The following ALMS1 variants were observed in gnomAD, a reference collection of about 807,000 sequenced individuals.
ALMS1 encodes the protein centrosome-associated protein ALMS1.
In ALMS1, 271 loss-of-function variants were observed where a neutral mutation model predicts 352.2. The ratio of observed to expected loss-of-function variants is 0.77; its 90% CI spans 0.70 to 0.85. ALMS1 has a LOEUF of 0.85. Ranked by LOEUF, ALMS1 falls within the 40% of genes least tolerant of loss-of-function variation. ALMS1 has a pLI of 0.00. For synonymous variants in ALMS1, 1,865 were observed against 1,761.2 expected (o/e 1.06, Z -1.48); for missense variants, 5,445 against 4,870.7 (o/e 1.12, Z -3.51).
intron 21 of ALMS1, among the ~76,000 whole-genome samples, chr2:73,606,059 TCTTC>T (rs776631041): frequency 2.6e-5 from 4 of 152,174 alleles, no homozygotes; most frequent in Non-Finnish European, 5.9e-5. Context: ...AGTCCAGCTG[TCTTC>T]CATTAAACCA....
chr2:73,544,187 T>G, intron 12 of ALMS1, among the ~76,000 whole-genome samples: 1 of 152,152 alleles, frequency 6.6e-6, no homozygotes, highest in East Asian at 1.9e-4. Flanking sequence ...TATGCAGCCA[T>G]AAAAAATGAT....
chr2:73,396,384 T>C (rs573043893), intron 1 of ALMS1, among the ~76,000 whole-genome samples: 1 of 152,068 alleles, frequency 6.6e-6, no homozygotes, highest in African/African-American at 2.4e-5. Flanking sequence ...TTGTAAGATA[T>C]ATTGGTCTGT....
At chr2:73,407,909 G>A (rs1029409858) in intron 1 of ALMS1, among the ~76,000 whole-genome samples, 2 of 152,036 alleles carry the variant, frequency 1.3e-5, no homozygotes, top group Admixed American at 6.6e-5. Context: ...AAGTCCTTTG[G>A]AAGTATAGTT....
At chr2:73,473,892 A>G (rs534765903) in intron 9 of ALMS1, among the ~76,000 whole-genome samples, 1 of 151,120 alleles carries the variant, frequency 6.6e-6, no homozygotes, top group South Asian at 2.1e-4. Flanking sequence ...AAGCATACCA[A>G]CATATGCATT....
chr2:73,395,056 A>ATG (rs796819600), intron 1 of ALMS1, among the ~76,000 whole-genome samples: 20 of 100,740 alleles, frequency 2.0e-4, no homozygotes, highest in Admixed American at 1.0e-4. Context: ...ATATATATAT[A>ATG]TGTGTATATA....
At chr2:73,581,865 CT>C (rs1210663030) in intron 16 of ALMS1, among the ~76,000 whole-genome samples, 1 of 152,112 alleles carries the variant, frequency 6.6e-6, no homozygotes, top group Non-Finnish European at 1.5e-5. Context: ...CTGCCTCAGC[CT>C]ACCGAGTAGC....
rs775431837 is a variant in ALMS1 at position 73,386,148 on chromosome 2, C to G, written c.280C>G (p.Pro94Ala). The part of the protein sequence containing the change: ...PGRILPPLSP[P>A]QHRYSEGERT... ...CAGGATTTTGCCTCCGCTGTCGCCCCCGCAGCACCGCTACTCGGAGGGCGA... is the reference window on the plus strand; with the variant it reads ...CAGGATTTTGCCTCCGCTGTCGCCCGCGCAGCACCGCTACTCGGAGGGCGA... The change falls in exon 1 of 23, where the codon CCG becomes GCG. Residue 94 changes from proline (P) to alanine (A), a missense_variant. By Grantham distance (27) the Pro-to-Ala change is conservative (BLOSUM62 -1). Coordinates refer to ENST00000613296, the MANE Select transcript of ALMS1 (RefSeq NM_001378454.1). The G allele has an allele frequency of 3.2e-6, 5 of 1,556,432 alleles. No individual in the cohort carries two copies. The highest frequency in any genetic ancestry group is 4.3e-6 in the Non-Finnish European group (5 of 1,150,634).
chr2:73,535,008 A>G lies in ALMS1; in HGVS notation c.9907+59A>G, dbSNP rs1673997847. ...TTGATATTTTATTTGTGTATTGGCT[A>G]GTTGATTCTGGAGTGACAAAAGTCC... is the stretch of plus-strand genomic sequence containing the variant. On this transcript the variant is annotated intron_variant, in intron 12 of 22. Coordinates refer to ENST00000613296, the MANE Select transcript of ALMS1 (RefSeq NM_001378454.1). 1.9e-6 allele frequency: 3 copies of G among 1,604,342 alleles called. No homozygotes were observed. In the East Asian group the frequency reaches 6.7e-5, roughly 36 times the overall value.
At chr2:73,548,162 T>C (rs1674359476) in intron 12 of ALMS1, among the ~76,000 whole-genome samples, 1 of 152,188 alleles carries the variant, frequency 6.6e-6, no homozygotes, top group African/African-American at 2.4e-5. Flanking sequence ...TAGGCAGAGT[T>C]AATTTACACA....
intron 17 of ALMS1, among the ~76,000 whole-genome samples, chr2:73,600,166 G>A (rs1167967284): frequency 6.6e-6 from 1 of 152,182 alleles, no homozygotes; most frequent in Non-Finnish European, 1.5e-5. Context: ...TGTGCAAAAC[G>A]AATTCTCTGG....
Position 73,450,802 on chromosome 2 carries a change from C to T in ALMS1, c.4275C>T (p.Pro1425=), listed in dbSNP as rs775642753. 14 of 1,613,474 alleles carry T rather than the reference C, an allele frequency of 8.7e-6. No individual in the cohort carries two copies. The highest frequency in any genetic ancestry group is 1.3e-5 in the African/African-American group (1 of 74,880). Residue 1425 remains proline, a synonymous_variant, in exon 8 of 23, where the codon CCC becomes CCT. Coordinates refer to ENST00000613296, the MANE Select transcript of ALMS1 (RefSeq NM_001378454.1). ...GDRKTGIPTL[P]STFYSHTEKP... ...GGAAGACTGGGATACCAACTTTACC[C>T]TCTACTTTCTACTCACACACAGAGA...
At chr2:73,461,054 C>A (rs1312810138) in intron 9 of ALMS1, among the ~76,000 whole-genome samples, 1 of 152,238 alleles carries the variant, frequency 6.6e-6, no homozygotes, top group Non-Finnish European at 1.5e-5. Context: ...CCTCTGTAGA[C>A]TTAAATGTCC....
chr2:73,522,448 T>G (rs950900232), intron 11 of ALMS1, among the ~76,000 whole-genome samples: 18 of 150,968 alleles, frequency 1.2e-4, no homozygotes, highest in African/African-American at 4.4e-4. Flanking sequence ...CTAAGTTGTC[T>G]CAGACTAAGG....
intron 10 of ALMS1, among the ~76,000 whole-genome samples, chr2:73,503,563 G>A (rs142149646): frequency 6.6e-6 from 1 of 152,260 alleles, no homozygotes; most frequent in African/African-American, 2.4e-5. Context: ...AAACATACGT[G>A]TGCATGTGTC....
chr2:73,479,994 TTC>T (rs1328535110), intron 9 of ALMS1, among the ~76,000 whole-genome samples: 2 of 152,158 alleles, frequency 1.3e-5, no homozygotes, highest in Admixed American at 1.3e-4. Context: ...TTTTTAATAT[TTC>T]TGTTTCCAGT....
intron 3 of ALMS1, among the ~76,000 whole-genome samples, chr2:73,421,998 G>T (rs1223458922): frequency 6.6e-6 from 1 of 151,992 alleles, no homozygotes; most frequent in Admixed American, 6.6e-5. Context: ...TGGGTAACAG[G>T]ATTCTTTTAC....
chr2:73,495,612 T>C (rs554044154), intron 10 of ALMS1, among the ~76,000 whole-genome samples: 1 of 152,206 alleles, frequency 6.6e-6, no homozygotes, highest in Non-Finnish European at 1.5e-5. Context: ...GGCATGCTCA[T>C]TGCTGGTGGG....
intron 9 of ALMS1, among the ~76,000 whole-genome samples, chr2:73,474,498 A>G (rs1235033244): frequency 3.3e-5 from 5 of 151,524 alleles, no homozygotes. Flanking sequence ...TGTTTGTGAC[A>G]GGGTCTTGCT....
At chr2:73,402,667 C>T (rs1051650509) in intron 1 of ALMS1, among the ~76,000 whole-genome samples, 5 of 152,116 alleles carry the variant, frequency 3.3e-5, no homozygotes, top group African/African-American at 1.2e-4. Flanking sequence ...TTTTCCACAC[C>T]CTTGCCAACA....
Sources: allele counts gnomAD v4.1 joint callset (sites outside exome capture counted in the v4.1 genomes callset), GRCh38; gene constraint gnomAD v4.1.1; transcripts MANE v1.5; gene names NCBI Gene and HGNC (gene_info 2026-07-23, HGNC 2026-07-21).